Variants in XKR9 observed in about 807,000 individuals in gnomAD.
XKR9 encodes the protein XK-related protein 9.
In XKR9, 32 loss-of-function variants were observed where a neutral mutation model predicts 32.0. That is an observed-to-expected ratio of 1.00 (90% CI 0.76 to 1.34). The LOEUF is 1.34. Ranked by LOEUF, XKR9 falls within the 40% of genes most tolerant of loss-of-function variation. XKR9 has a pLI of 0.00. For synonymous variants in XKR9, 168 were observed against 143.4 expected (o/e 1.17, Z -1.22); for missense variants, 546 against 429.7 (o/e 1.27, Z -2.39).
At chr8:71,045,805 C>T in the XKR9 span, among the ~76,000 whole-genome samples, 1 of 152,100 alleles carries the variant, frequency 6.6e-6, no homozygotes, top group Non-Finnish European at 1.5e-5. Flanking sequence ...GTGGTATGTG[C>T]CTTGGGGCCT....
intron 2 of XKR9, among the ~76,000 whole-genome samples, chr8:70,751,779 CT>C (rs1807145469): frequency 6.6e-6 from 1 of 152,154 alleles, no homozygotes; most frequent in East Asian, 1.9e-4. Flanking sequence ...ATTCTGAGGT[CT>C]TTGGGCTCGA....
At chr8:70,720,665 G>A (rs1392607463) in intron 4 of XKR9, among the ~76,000 whole-genome samples, 2 of 152,180 alleles carry the variant, frequency 1.3e-5, no homozygotes. Context: ...GATCGTGGTA[G>A]ATAAGCTTTT....
At chr8:71,047,312 G>A in the XKR9 span, among the ~76,000 whole-genome samples, 2 of 152,206 alleles carry the variant, frequency 1.3e-5, no homozygotes, top group Non-Finnish European at 2.9e-5. Context: ...TATAGACTCT[G>A]AAGACCATCA....
At chr8:70,704,764 T>C (rs1805661803) in intron 3 of XKR9, among the ~76,000 whole-genome samples, 1 of 152,206 alleles carries the variant, frequency 6.6e-6, no homozygotes, top group Admixed American at 6.5e-5. Context: ...AGAACAGGAA[T>C]CACATACTCT....
chr8:70,914,341 C>T, the XKR9 span, among the ~76,000 whole-genome samples: 1 of 152,322 alleles, frequency 6.6e-6, no homozygotes, highest in African/African-American at 2.4e-5. Context: ...CACCAATTTA[C>T]ATATATTACT....
At chr8:70,812,974 T>C in the XKR9 span, among the ~76,000 whole-genome samples, 90 of 152,192 alleles carry the variant, frequency 5.9e-4, no homozygotes, top group East Asian at 4.8e-3. Flanking sequence ...AAAAAGAGCC[T>C]GCATTGCCAA....
the XKR9 span, among the ~76,000 whole-genome samples, chr8:70,920,217 T>A: frequency 1.3e-5 from 2 of 152,232 alleles, no homozygotes; most frequent in African/African-American, 4.8e-5. Flanking sequence ...CTTTTAGGAA[T>A]ACATGTTTTT....
the XKR9 span, among the ~76,000 whole-genome samples, chr8:70,796,529 G>A: frequency 4.0e-5 from 6 of 151,762 alleles, no homozygotes; most frequent in African/African-American, 1.5e-4. Flanking sequence ...CAAACTTTTG[G>A]CTTCATTGAT....
chr8:70,976,728 C>G, the XKR9 span, among the ~76,000 whole-genome samples: 1 of 151,984 alleles, frequency 6.6e-6, no homozygotes, highest in African/African-American at 2.4e-5. Flanking sequence ...TGATGCTGGC[C>G]CCATAAAATG....
At chr8:70,953,212 G>A in the XKR9 span, among the ~76,000 whole-genome samples, 3 of 152,188 alleles carry the variant, frequency 2.0e-5, no homozygotes, top group Non-Finnish European at 4.4e-5. Flanking sequence ...GATTATAGCA[G>A]GCATTAATTG....
chr8:70,881,872 C>A, the XKR9 span, among the ~76,000 whole-genome samples: 1 of 152,190 alleles, frequency 6.6e-6, no homozygotes. Flanking sequence ...ACCCAAATGT[C>A]CATCAATGAT....
intron 2 of XKR9, among the ~76,000 whole-genome samples, chr8:70,783,768 A>C (rs1006682538): frequency 2.6e-5 from 4 of 152,338 alleles, no homozygotes; most frequent in Non-Finnish European, 5.9e-5. Context: ...GGTCAAATAC[A>C]TTAATCATTT....
chr8:70,896,842 C>T, the XKR9 span, among the ~76,000 whole-genome samples: 1 of 151,842 alleles, frequency 6.6e-6, no homozygotes, highest in Non-Finnish European at 1.5e-5. Flanking sequence ...AAATGAGGTA[C>T]CCATCACCTC....
the XKR9 span, among the ~76,000 whole-genome samples, chr8:71,021,595 C>T: frequency 1.0e-4 from 15 of 149,944 alleles, no homozygotes; most frequent in African/African-American, 2.2e-4. Context: ...CTCCGCCTCC[C>T]GGGTTCACGC....
At chr8:71,021,429 TGTTGGATACAGA>T in the XKR9 span, among the ~76,000 whole-genome samples, 2 of 152,116 alleles carry the variant, frequency 1.3e-5, no homozygotes, top group African/African-American at 4.8e-5. Flanking sequence ...ATTAGACCTT[TGTTGGATACAGA>T]GTTTGCAAAT....
chr8:70,956,078 G>T, the XKR9 span, among the ~76,000 whole-genome samples: 11 of 152,116 alleles, frequency 7.2e-5, no homozygotes, highest in Admixed American at 2.0e-4. Flanking sequence ...CCTTCTCATC[G>T]CTTGCAACAT....
the XKR9 span, among the ~76,000 whole-genome samples, chr8:70,992,271 A>C: frequency 2.0e-5 from 3 of 152,180 alleles, no homozygotes; most frequent in Non-Finnish European, 2.9e-5. Context: ...CTTTCCCCTA[A>C]AACATACTGA....
chr8:70,755,456 A>G (rs1474203210), intron 2 of XKR9, among the ~76,000 whole-genome samples: 1 of 152,176 alleles, frequency 6.6e-6, no homozygotes, highest in Non-Finnish European at 1.5e-5. Context: ...AGACACATGC[A>G]CACGTATGTT....
intron 2 of XKR9, among the ~76,000 whole-genome samples, chr8:70,748,079 G>A (rs929661450): frequency 1.3e-5 from 2 of 152,168 alleles, no homozygotes; most frequent in Non-Finnish European, 2.9e-5. Context: ...CCACATGTAC[G>A]AGATAGCAAC....
Sources: allele counts gnomAD v4.1 joint callset (sites outside exome capture counted in the v4.1 genomes callset), GRCh38; gene constraint gnomAD v4.1.1; transcripts MANE v1.5; gene names NCBI Gene and HGNC (gene_info 2026-07-23, HGNC 2026-07-21).